Variants in SH3BP4 observed in about 807,000 individuals in gnomAD.
SH3BP4 encodes SH3 domain binding protein 4.
In SH3BP4, 33 loss-of-function variants were observed where a neutral mutation model predicts 65.5. The ratio of observed to expected loss-of-function variants is 0.50; its 90% confidence interval spans 0.38 to 0.67. The LOEUF (loss-of-function observed/expected upper bound fraction) is 0.67. Ranked by LOEUF, SH3BP4 falls within the 30% of genes least tolerant of loss-of-function variation. The pLI is 0.00. For synonymous variants in SH3BP4, 552 were observed against 545.5 expected (o/e 1.01, Z -0.17); for missense variants, 1,134 against 1,261.4 (o/e 0.90, Z 1.53).
At chr2:234,963,630 A>G (rs1036155566) in intron 1 of SH3BP4, among the ~76,000 whole-genome samples, 1 of 152,236 alleles carries the variant, frequency 6.6e-6, no homozygotes, top group Non-Finnish European at 1.5e-5. Context: ...AAGCATTAAC[A>G]TCTGGGAGTA....
intron 2 of SH3BP4, among the ~76,000 whole-genome samples, chr2:235,029,137 G>A (rs1398882181): frequency 2.0e-5 from 3 of 152,240 alleles, no homozygotes; most frequent in Admixed American, 1.3e-4. Context: ...GAGAGATGAC[G>A]GTGGTGTGGA....
At chr2:235,004,556 T>C (rs1426660051) in intron 2 of SH3BP4, among the ~76,000 whole-genome samples, 1 of 152,170 alleles carries the variant, frequency 6.6e-6, no homozygotes, top group Non-Finnish European at 1.5e-5. Context: ...CAACCACTGC[T>C]CTGCTTTCGG....
At position 235,041,704 on chromosome 2, in the gene SH3BP4, C is replaced by T; in HGVS notation, c.935C>T (p.Thr312Ile). Residue 312 changes from threonine to isoleucine, a missense_variant, in exon 4 of 6, where the codon ACC becomes ATC. By Grantham distance (89) the Thr-to-Ile change is moderately conservative. Coordinates refer to ENST00000392011, the MANE Select transcript of SH3BP4 (RefSeq NM_014521.3). The surrounding 1 kb of genome is among the most constrained non-coding windows in gnomAD (Gnocchi z 6.0). ...GGCCAAAGCCCTGGTTGGGGCCAGA[C>T]CCAAGCCGTGGAGACAAACATCGTG... ...LLGQSPGWGQ[T>I]QAVETNIVCK... 6.2e-7 allele frequency: 1 copy of T among 1,612,420 alleles called. No individual in the cohort carries two copies. The highest frequency in any genetic ancestry group is 8.5e-7 in the Non-Finnish European group (1 of 1,179,078).
intron 2 of SH3BP4, among the ~76,000 whole-genome samples, chr2:235,029,072 G>A (rs1425840244): frequency 1.3e-5 from 2 of 152,228 alleles, no homozygotes; most frequent in African/African-American, 4.8e-5. Context: ...TTGAGGGGTG[G>A]ACTCCAGGCC....
chr2:235,049,877 G>A, intron 4 of SH3BP4, among the ~76,000 whole-genome samples: 1 of 152,018 alleles, frequency 6.6e-6, no homozygotes, highest in East Asian at 2.0e-4. Flanking sequence ...CAAGCCTGGG[G>A]TCTGCAGGCT....
intron 2 of SH3BP4, among the ~76,000 whole-genome samples, chr2:235,002,818 C>G (rs1442110329): frequency 6.6e-6 from 1 of 152,208 alleles, no homozygotes; most frequent in East Asian, 1.9e-4. Context: ...ACATAGGGTC[C>G]CCAGAGCAGA....
intron 2 of SH3BP4, among the ~76,000 whole-genome samples, chr2:235,025,148 A>G (rs1694959449): frequency 6.6e-6 from 1 of 152,110 alleles, no homozygotes; most frequent in African/African-American, 2.4e-5. Flanking sequence ...ACAGCAGCCC[A>G]TTGCCACAAA....
chr2:235,037,068 C>T (rs1316973086), intron 3 of SH3BP4, among the ~76,000 whole-genome samples: 2 of 152,162 alleles, frequency 1.3e-5, no homozygotes, highest in Non-Finnish European at 2.9e-5. Flanking sequence ...GCCATGAAAC[C>T]TTCTACTCTG....
rs939656607 is a variant in SH3BP4, at chr2:234,952,866, C to G, written c.-207+696C>G. 6.6e-6 allele frequency: 1 copy of G among 152,162 alleles called. No homozygotes were observed. The highest frequency in any genetic ancestry group is 2.4e-5 in the African/African-American group (1 of 41,448). 9.4% of individuals were successfully genotyped at this position (152,162 alleles called of 1,614,324 possible). A position where few individuals can be genotyped will look rare whatever the true frequency, so the allele number is the denominator to read the frequency against. ...TCTCTGAGCGATGTTTACCGAGAAGCCCGCTCCGCGGCACGGGCGGGTGTC... is the reference window on the plus strand; with the variant it reads ...TCTCTGAGCGATGTTTACCGAGAAGGCCGCTCCGCGGCACGGGCGGGTGTC... On this transcript the variant is annotated intron_variant, in intron 1 of 5. Coordinates refer to ENST00000392011, the MANE Select transcript of SH3BP4 (RefSeq NM_014521.3). This position sits in a 1 kb window ranked among gnomAD's most constrained non-coding sequence, Gnocchi z 6.5.
chr2:234,999,601 G>A (rs1362228754), intron 2 of SH3BP4, among the ~76,000 whole-genome samples: 1 of 152,132 alleles, frequency 6.6e-6, no homozygotes, highest in Non-Finnish European at 1.5e-5. Flanking sequence ...TTCAATTATT[G>A]GCACAATAGC....
At position 235,040,966 on chromosome 2, in the gene SH3BP4, A is replaced by G. The variant is rs751458589; in HGVS notation, c.197A>G (p.Tyr66Cys). ...AAGGAAGTGATTGCGATCAAGGACT[A>G]TTGCCCCACCAACTTCACCACACTG... ...NAKEVIAIKD[Y>C]CPTNFTTLKF... The change falls in exon 4 of 6, where the codon TAT becomes TGT. Residue 66 changes from tyrosine to cysteine, a missense_variant. By Grantham distance (194) the Tyr-to-Cys change is radical. Coordinates refer to ENST00000392011, the MANE Select transcript of SH3BP4 (RefSeq NM_014521.3). The G allele has an allele frequency of 5.6e-6, 9 of 1,614,174 alleles. No individual in the cohort carries two copies. Among genetic ancestry groups the G allele is most frequent in the Non-Finnish European group, 6.8e-6 (8 of 1,180,028 alleles).
At chr2:234,968,707 C>T (rs1692901529) in intron 1 of SH3BP4, among the ~76,000 whole-genome samples, 1 of 152,108 alleles carries the variant, frequency 6.6e-6, no homozygotes, top group Admixed American at 6.5e-5. Context: ...TGCTGCCTTG[C>T]CCCTTCCCCG....
chr2:234,998,197 ACTC>A (rs1372612098), intron 2 of SH3BP4, among the ~76,000 whole-genome samples: 1 of 151,070 alleles, frequency 6.6e-6, no homozygotes, highest in African/African-American at 2.4e-5. Context: ...CCCCTAAACC[ACTC>A]CTCTGTTCCT....
At position 234,976,949 on chromosome 2, in the gene SH3BP4, C is replaced by T. The variant is rs967826298; in HGVS notation, c.-206-18354C>T. On this transcript the variant is annotated intron_variant, in intron 1 of 5. Coordinates refer to ENST00000392011, the MANE Select transcript of SH3BP4 (RefSeq NM_014521.3). This position sits in a 1 kb window ranked among gnomAD's most constrained non-coding sequence, Gnocchi z 4.7. Reference sequence around the variant, plus strand: ...ACCTCAGGGACAAACATAGGAGACCCGGATGAAGGACAGGCTTTATTGTTT... The same window carrying T: ...ACCTCAGGGACAAACATAGGAGACCTGGATGAAGGACAGGCTTTATTGTTT... Among the ~76,000 whole-genome samples, 4 of 152,106 alleles carry T rather than the reference C, an allele frequency of 2.6e-5. No individual in the cohort carries two copies. The highest frequency in any genetic ancestry group is 1.3e-4 in the Admixed American group (2 of 15,274).
intron 1 of SH3BP4, chr2:234,979,784 G>T (rs897766931): frequency 6.6e-6 from 1 of 151,514 alleles, no homozygotes; most frequent in African/African-American, 2.4e-5. Flanking sequence ...ATGGCCACAA[G>T]TAACTGGATG....
intron 2 of SH3BP4, among the ~76,000 whole-genome samples, chr2:235,006,357 G>T (rs1203922229): frequency 2.0e-5 from 3 of 152,188 alleles, no homozygotes; most frequent in Non-Finnish European, 4.4e-5. Context: ...CATGGGTTTG[G>T]TCAAGAGTGG....
At chr2:235,039,859 T>C (rs545550922) in intron 3 of SH3BP4, among the ~76,000 whole-genome samples, 57 of 152,328 alleles carry the variant, frequency 3.7e-4, no homozygotes, top group African/African-American at 1.3e-3. Flanking sequence ...TCAATGATAG[T>C]ATGAGCTATG....
At chr2:234,958,299 G>T (rs1692632679) in intron 1 of SH3BP4, among the ~76,000 whole-genome samples, 1 of 152,094 alleles carries the variant, frequency 6.6e-6, no homozygotes. Flanking sequence ...AGCTTTCCTT[G>T]GAGGCAGTAA....
In SH3BP4 at chr2:235,035,306, T is replaced by A. The variant is rs375607604; in HGVS notation, c.118+186T>A. On this transcript the variant is annotated intron_variant, in intron 3 of 5. Transcript: ENST00000392011. This position sits in a 1 kb window ranked among gnomAD's most constrained non-coding sequence, Gnocchi z 5.0. ...CATAGTCACTTGTCTTATTTTTTGGTTCCCCCTTATTAGTGAAACCCCTTC... is the reference window on the plus strand; with the variant it reads ...CATAGTCACTTGTCTTATTTTTTGGATCCCCCTTATTAGTGAAACCCCTTC... Among the ~76,000 whole-genome samples, 348 of 152,336 alleles carry A rather than the reference T, an allele frequency of 2.3e-3. 1 individual carries two copies. The highest frequency in any genetic ancestry group is 7.8e-3 in the African/African-American group (326 of 41,592).
Sources: gnomAD v4.1 joint callset for allele counts (sites outside exome capture counted in the v4.1 genomes callset) on GRCh38, gnomAD v4.1.1 for gene constraint, Gnocchi (gnomAD v3.1) non-coding constraint, MANE v1.5 for transcripts, NCBI Gene and HGNC (gene_info 2026-07-23, HGNC 2026-07-21) for gene names.